Variants in DYNLT5 observed in about 807,000 individuals in gnomAD.
DYNLT5 encodes dynein light chain Tctex-type family member 5, also known as dynein light chain Tctex-type 5.
DYNLT5 carries 25 observed loss-of-function variants against 19.3 expected under a neutral mutation model. The observed-to-expected ratio is 1.30, with a 90% CI of 0.95 to 1.81. The LOEUF is 1.81. Ranked by LOEUF, DYNLT5 falls within the 40% of genes most tolerant of loss-of-function variation. The pLI is 0.00. For missense variants in DYNLT5, 232 were observed against 217.9 expected, an observed-to-expected ratio of 1.06 and a Z score of -0.41; for synonymous variants, 82 against 68.9, an observed-to-expected ratio of 1.19 and a Z score of -0.94.
intron 2 of DYNLT5, among the ~76,000 whole-genome samples, chr1:66,765,494 T>A (rs1253740309): frequency 1.3e-5 from 2 of 152,152 alleles, no homozygotes; most frequent in Non-Finnish European, 2.9e-5. Context: ...ATTGTTACCA[T>A]CTCTAACTGT....
At chr1:66,765,613 T>C (rs2094653463) in intron 2 of DYNLT5, among the ~76,000 whole-genome samples, 1 of 151,610 alleles carries the variant, frequency 6.6e-6, no homozygotes, top group Non-Finnish European at 1.5e-5. Context: ...AAAGAGTAAA[T>C]ATGTTCTAAC....
intron 3 of DYNLT5, 87 bp from the exon 4 acceptor site, chr1:66,776,192 G>A: frequency 6.7e-7 from 1 of 1,488,622 alleles, no homozygotes; most frequent in Non-Finnish European, 9.0e-7. Context: ...ATCCCTCCAT[G>A]TTTCCATACT....
intron 2 of DYNLT5, among the ~76,000 whole-genome samples, chr1:66,765,437 C>G (rs1321501650): frequency 6.6e-6 from 1 of 151,954 alleles, no homozygotes; most frequent in Non-Finnish European, 1.5e-5. Context: ...AATGAGTTCT[C>G]AATAATAATT....
chr1:66,765,236 A>G (rs1460357943), intron 2 of DYNLT5, among the ~76,000 whole-genome samples: 3 of 152,224 alleles, frequency 2.0e-5, no homozygotes, highest in African/African-American at 7.2e-5. Flanking sequence ...AAGAAGACAC[A>G]CTTAAATGAT....
intron 3 of DYNLT5, among the ~76,000 whole-genome samples, chr1:66,775,798 A>G (rs1457718374): frequency 3.3e-5 from 5 of 152,218 alleles, no homozygotes; most frequent in Non-Finnish European, 7.3e-5. Flanking sequence ...ACACAGGAGC[A>G]CCTTTATAGA....
rs967177585 is a variant in DYNLT5 at position 66,756,958 on chromosome 1, C to T, written c.119+2181C>T. Among the ~76,000 whole-genome samples, 7 of 152,328 alleles carry T rather than the reference C, an allele frequency of 4.6e-5. No homozygotes were observed. In the South Asian group the frequency reaches 8.3e-4, roughly 18 times the overall value. ...TTCTTCACTTCTTCCATCAGAATTT[C>T]GCTCCATCTCCACCTTTTTGGGAAG... is the stretch of plus-strand genomic sequence containing the variant. On this transcript the variant is annotated intron_variant, in intron 2 of 4. Coordinates refer to ENST00000282670, the MANE Select transcript of DYNLT5 (RefSeq NM_152665.3).
At chr1:66,769,613 A>T (rs976996227) in intron 2 of DYNLT5, among the ~76,000 whole-genome samples, 2 of 152,024 alleles carry the variant, frequency 1.3e-5, no homozygotes, top group South Asian at 2.1e-4. Flanking sequence ...TCATTTTCAC[A>T]GGTGGAGAAA....
At position 66,777,413 on chromosome 1, in the gene DYNLT5, C is replaced by G. The variant is rs747788950; in HGVS notation, c.499C>G (p.Leu167Val). The G allele has an allele frequency of 1.2e-6, 2 of 1,613,820 alleles. No individual in the cohort carries two copies. Among genetic ancestry groups the G allele is most frequent in the East Asian group, 4.5e-5 (2 of 44,850 alleles). ...FSSYVFRNSS[L>V]FALANVYAVY... ...ATCTTATGTTTTCAGAAATTCTTCT[C>G]TCTTCGCTCTTGCAAATGTCTATGC... The change falls in exon 5 of 5, where the codon CTC (leucine) becomes GTC (valine). Residue 167 changes from leucine to valine, a missense_variant. Leu to Val is a conservative substitution (Grantham distance 32). Transcript: ENST00000282670.
chr1:66,774,920 A>G (rs758502585), intron 3 of DYNLT5: 2 of 152,210 alleles, frequency 1.3e-5, no homozygotes, highest in Admixed American at 6.5e-5. Context: ...TACAGTCATC[A>G]CAAACAAACA....
At chr1:66,756,643 C>T (rs1346752274) in intron 2 of DYNLT5, among the ~76,000 whole-genome samples, 1 of 152,192 alleles carries the variant, frequency 6.6e-6, no homozygotes, top group Non-Finnish European at 1.5e-5. Flanking sequence ...ACTAGGTAGG[C>T]ATCATTTCTA....
intron 2 of DYNLT5, among the ~76,000 whole-genome samples, chr1:66,757,446 G>GA (rs2094638251): frequency 6.6e-6 from 1 of 152,000 alleles, no homozygotes; most frequent in Non-Finnish European, 1.5e-5. Context: ...TTTTATTAAA[G>GA]AAAAAACAGA....
At chr1:66,765,621 A>G (rs919285245) in intron 2 of DYNLT5, among the ~76,000 whole-genome samples, 6 of 150,982 alleles carry the variant, frequency 4.0e-5, no homozygotes, top group Non-Finnish European at 8.8e-5. Context: ...AATATGTTCT[A>G]ACTTTTTCTT....
intron 2 of DYNLT5, among the ~76,000 whole-genome samples, chr1:66,767,469 G>C (rs1241004235): frequency 6.6e-6 from 1 of 152,004 alleles, no homozygotes; most frequent in South Asian, 2.1e-4. Context: ...TGTTACCTAG[G>C]CTGGTCTTGA....
In DYNLT5 at chr1:66,776,398, T is replaced by C. The variant is rs1415864580; in HGVS notation, c.331T>C (p.Ser111Pro). Residue 111 changes from serine (S) to proline (P), a missense_variant, in exon 4 of 5, where the codon TCT becomes CCT. Transcript: ENST00000282670. ...ELCRQMTKTI[S>P]EVIKAQVKDL... ...CTGTAGACAGATGACTAAAACCATT[T>C]CTGAGGTACGTGTGTGATTTGCCCA... 1.9e-6 allele frequency: 3 copies of C among 1,599,108 alleles called. No homozygotes were observed. The highest frequency in any genetic ancestry group is 2.6e-6 in the Non-Finnish European group (3 of 1,171,400).
chr1:66,755,878 T>G (rs557803636), intron 2 of DYNLT5: 186 of 152,360 alleles, frequency 1.2e-3, no homozygotes, highest in African/African-American at 4.3e-3. Context: ...TAAAACTGAT[T>G]GTTGGCTTAA....
rs972024467 is a variant in DYNLT5, at chr1:66,752,631, TA to T, written c.-4+48del. On this transcript the variant is annotated intron_variant, in intron 1 of 4. Coordinates refer to ENST00000282670, the MANE Select transcript of DYNLT5 (RefSeq NM_152665.3). ...GCGCGTCTGGACCCCAAAGGAAGGA[TA>T]GGGGGCAAGGGATCGGCCCTTTGTT... is the stretch of plus-strand genomic sequence containing the variant. 9 of 978,462 alleles carry T rather than the reference TA, an allele frequency of 9.2e-6. No individual in the cohort carries two copies. The African/African-American group carries it at 1.4e-4, about 15-fold the overall frequency. The allele number at this position is 978,462 out of a possible 1,614,324, so 60.6% of individuals were successfully genotyped here.
At chr1:66,775,410 T>C (rs1269837420) in intron 3 of DYNLT5, 2 of 152,244 alleles carry the variant, frequency 1.3e-5, no homozygotes, top group Non-Finnish European at 2.9e-5. Flanking sequence ...CATTATTATA[T>C]ATGTATACAA....
Position 66,778,924 on chromosome 1 carries a change from TA to T in DYNLT5, c.*1473del, listed in dbSNP as rs1408948449. 1 of 152,230 alleles carries T rather than the reference TA, an allele frequency of 6.6e-6. No individual in the cohort carries two copies. The highest frequency in any genetic ancestry group is 1.5e-5 in the Non-Finnish European group (1 of 68,034). 9.4% of individuals were successfully genotyped at this position (152,230 alleles called of 1,614,324 possible). On this transcript the variant is annotated 3_prime_UTR_variant, in exon 5 of 5. Transcript: ENST00000282670. ...TGGATTAGATTACACGTATAACAAG[TA>T]AATGAGCTTCATATTTTCATTACAC...
chr1:66,778,913 C>A lies in DYNLT5; in HGVS notation c.*1459C>A, dbSNP rs188761144. ...AGTTTTCAATCTGGATTAGATTACACGTATAACAAGTAAATGAGCTTCATA... is the reference window on the plus strand; with the variant it reads ...AGTTTTCAATCTGGATTAGATTACAAGTATAACAAGTAAATGAGCTTCATA... On this transcript the variant is annotated 3_prime_UTR_variant, in exon 5 of 5. Transcript: ENST00000282670. 1.3e-5 allele frequency: 2 copies of A among 152,084 alleles called. No individual in the cohort carries two copies. The highest frequency in any genetic ancestry group is 1.9e-4 in the East Asian group (1 of 5,198). The allele number at this position is 152,084 out of a possible 1,614,324, so 9.4% of individuals were successfully genotyped here.
Sources: gnomAD v4.1 joint callset for allele counts (sites outside exome capture counted in the v4.1 genomes callset) on GRCh38, gnomAD v4.1.1 for gene constraint, MANE v1.5 for transcripts, NCBI Gene and HGNC (gene_info 2026-07-23, HGNC 2026-07-21) for gene names.